The following SELP variants were observed in gnomAD, a reference collection of about 807,000 sequenced individuals.
The protein encoded by SELP is P-selectin.
Under a neutral mutation model 104.1 loss-of-function variants are expected in SELP, and 92 were observed. The ratio of observed to expected loss-of-function variants is 0.88; its 90% CI spans 0.75 to 1.05. The LOEUF is 1.05. Ranked by LOEUF, SELP falls within the 50% of genes least tolerant of loss-of-function variation. SELP has a pLI of 0.00. For missense variants in SELP, 1,022 were observed against 1,017.3 expected (o/e 1.00, Z -0.06); for synonymous variants, 397 against 364.5 (o/e 1.09, Z -1.01).
intron 1 of SELP, among the ~76,000 whole-genome samples, chr1:169,627,053 C>A (rs1663407056): frequency 6.6e-6 from 1 of 151,864 alleles, no homozygotes; most frequent in South Asian, 2.1e-4. Context: ...TGCAATGGTC[C>A]CAGTGAGAGT....
At chr1:169,606,263 G>C (rs1437967166) in intron 9 of SELP, among the ~76,000 whole-genome samples, 1 of 152,204 alleles carries the variant, frequency 6.6e-6, no homozygotes, top group African/African-American at 2.4e-5. Context: ...GTTGCAGTGG[G>C]CCGAGATTGT....
At chr1:169,621,947 A>G (rs1663157259) in intron 1 of SELP, among the ~76,000 whole-genome samples, 1 of 152,196 alleles carries the variant, frequency 6.6e-6, no homozygotes, top group Admixed American at 6.5e-5. Context: ...AATTCTTCAA[A>G]CCAGGATAAG....
chr1:169,628,842 T>C (rs1301037499), intron 1 of SELP, among the ~76,000 whole-genome samples: 1 of 152,118 alleles, frequency 6.6e-6, no homozygotes, highest in African/African-American at 2.4e-5. Context: ...TATCCTTAGG[T>C]CATTGTGGTT....
At chr1:169,615,682 A>ATAT (rs1007816064) in intron 3 of SELP, among the ~76,000 whole-genome samples, 2 of 152,180 alleles carry the variant, frequency 1.3e-5, no homozygotes, top group African/African-American at 4.8e-5. Flanking sequence ...ATCCATGAAT[A>ATAT]TATGCTCAAT....
At chr1:169,618,465 G>A (rs3917701) in intron 2 of SELP, among the ~76,000 whole-genome samples, 286 of 152,292 alleles carry the variant, frequency 1.9e-3, no homozygotes, top group African/African-American at 6.7e-3. Context: ...ATCATAGTCT[G>A]TGGGAGTCCA....
At chr1:169,609,313 T>C (rs945690530) in intron 8 of SELP, among the ~76,000 whole-genome samples, 191 bp downstream of exon 8, 17 of 152,182 alleles carry the variant, frequency 1.1e-4, no homozygotes, top group African/African-American at 4.1e-4. Flanking sequence ...GACTATACTA[T>C]AGTGGACATG....
At position 169,609,623 on chromosome 1, in the gene SELP, G is replaced by A. The variant is rs772189255; in HGVS notation, c.1214C>T (p.Ala405Val). ...GSMDCSPSLR[A>V]FQYDTNCSFR... is the part of the protein sequence containing the mutation. ...GCTACAGTTGGTGTCATACTGAAACGCTCTCAAGGATGGAGAGCAATCCAT... is the reference window on the plus strand; with the variant it reads ...GCTACAGTTGGTGTCATACTGAAACACTCTCAAGGATGGAGAGCAATCCAT... The change falls in exon 8 of 17, where the codon GCG becomes GTG. Residue 405 changes from alanine (A) to valine (V), a missense_variant. By Grantham distance (64) the Ala-to-Val change is moderately conservative. Transcript: ENST00000263686. The A allele has an allele frequency of 2.5e-5, 40 of 1,613,846 alleles. No individual in the cohort carries two copies. Among genetic ancestry groups the A allele is most frequent in the African/African-American group, 9.4e-5 (7 of 74,856 alleles).
chr1:169,595,509 G>A (rs985536562), intron 12 of SELP, among the ~76,000 whole-genome samples: 21 of 152,110 alleles, frequency 1.4e-4, no homozygotes, highest in Admixed American at 5.9e-4. Flanking sequence ...TGTGTAGGGC[G>A]ATAGCTCTTC....
chr1:169,598,483 C>T (rs1661740609), intron 10 of SELP, among the ~76,000 whole-genome samples: 1 of 152,162 alleles, frequency 6.6e-6, no homozygotes, highest in African/African-American at 2.4e-5. Context: ...ATTCTTATTG[C>T]ATGAATCCAT....
At chr1:169,604,952 C>G (rs944973054) in intron 9 of SELP, among the ~76,000 whole-genome samples, 3 of 152,182 alleles carry the variant, frequency 2.0e-5, no homozygotes, top group African/African-American at 7.2e-5. Flanking sequence ...TCCTGCCCAG[C>G]CCACATTTGG....
chr1:169,626,523 G>T (rs1663383178), intron 1 of SELP, among the ~76,000 whole-genome samples: 1 of 152,242 alleles, frequency 6.6e-6, no homozygotes, highest in Non-Finnish European at 1.5e-5. Context: ...AGAGGTTGCA[G>T]TGAGCTGAGA....
intron 1 of SELP, among the ~76,000 whole-genome samples, chr1:169,624,306 C>A (rs2101931385): frequency 6.6e-6 from 1 of 152,324 alleles, no homozygotes; most frequent in East Asian, 1.9e-4. Context: ...TCTCTAGAAG[C>A]ATCCACATGC....
At chr1:169,596,945 A>T in intron 11 of SELP, 46 bp downstream of exon 11, 1 of 1,509,900 alleles carries the variant, frequency 6.6e-7, no homozygotes, top group Non-Finnish European at 9.0e-7. Context: ...TTGTTGTAGA[A>T]TAAATTTCCA....
intron 9 of SELP, among the ~76,000 whole-genome samples, chr1:169,603,692 A>T (rs1662038169): frequency 6.6e-6 from 1 of 152,194 alleles, no homozygotes; most frequent in Non-Finnish European, 1.5e-5. Context: ...CCCCTTTCCC[A>T]ACCAAGTGGT....
At chr1:169,606,434 T>C (rs1309909143) in intron 9 of SELP, among the ~76,000 whole-genome samples, 1 of 152,266 alleles carries the variant, frequency 6.6e-6, no homozygotes, top group Non-Finnish European at 1.5e-5. Context: ...CTCTTTTTTC[T>C]ATCACTCTTC....
chr1:169,598,607 G>C (rs1345051704), intron 10 of SELP, among the ~76,000 whole-genome samples: 1 of 152,152 alleles, frequency 6.6e-6, no homozygotes, highest in East Asian at 1.9e-4. Context: ...TTTGAAACAT[G>C]TCTACTGGTG....
At chr1:169,606,808 A>G in intron 9 of SELP, 141 bp downstream of exon 9, 1 of 748,354 alleles carries the variant, frequency 1.3e-6, no homozygotes, top group Non-Finnish European at 2.2e-6. Context: ...GGGTTATAGG[A>G]CAAGAGGATG....
chr1:169,607,007 TGCTCCCA>T lies in SELP; in HGVS notation c.1454_1460del (p.Val485GlufsTer28), dbSNP rs1662236402. 5 of 1,613,894 alleles carry T rather than the reference TGCTCCCA, an allele frequency of 3.1e-6. No homozygotes were observed. Among genetic ancestry groups the T allele is most frequent in the Middle Eastern group, 1.7e-4 (1 of 6,052 alleles). On this transcript the variant is annotated frameshift_variant, in exon 9 of 17. Transcript: ENST00000263686. LOFTEE classifies it high-confidence loss of function. Reference sequence around the variant, plus strand: ...CAGTAGCCAAGCACTGTAGCACACTTGCTCCCACCAGGAGCAAGCCTTCATTGCAGGT... The same window carrying T: ...CAGTAGCCAAGCACTGTAGCACACTTCCAGGAGCAAGCCTTCATTGCAGGT...
intron 5 of SELP, among the ~76,000 whole-genome samples, chr1:169,612,609 A>C (rs1001911109): frequency 2.0e-5 from 3 of 152,190 alleles, no homozygotes; most frequent in African/African-American, 7.2e-5. Context: ...AAATTATCAA[A>C]TTAATAATTC....
Sources: gnomAD v4.1 joint callset for allele counts (sites outside exome capture counted in the v4.1 genomes callset) on GRCh38, gnomAD v4.1.1 for gene constraint, MANE v1.5 for transcripts, NCBI Gene and HGNC (gene_info 2026-07-23, HGNC 2026-07-21) for gene names.